Variants in TPCN1 observed in about 807,000 individuals in gnomAD.
TPCN1 encodes two pore segment channel 1.
TPCN1 carries 52 observed loss-of-function variants against 108.8 expected under a neutral mutation model. That is an observed-to-expected ratio of 0.48 (90% CI 0.38 to 0.60). The LOEUF (loss-of-function observed/expected upper bound fraction) is 0.60, where lower values mean the gene tolerates loss of function less well. Among genes scored for constraint, TPCN1 ranks in the 20% least tolerant of loss-of-function variants. TPCN1 has a pLI of 0.00. For synonymous variants in TPCN1, 446 were observed against 433.7 expected (o/e 1.03, Z -0.35); for missense variants, 806 against 1,072.8 (o/e 0.75, Z 3.47).
intron 1 of TPCN1, among the ~76,000 whole-genome samples, chr12:113,222,396 C>T (rs1430727458): frequency 6.6e-6 from 1 of 152,192 alleles, no homozygotes; most frequent in East Asian, 1.9e-4. Flanking sequence ...AACAGCAGCT[C>T]AGTTGACATT....
chr12:113,286,319 C>T (rs1956072179), intron 18 of TPCN1, among the ~76,000 whole-genome samples: 2 of 140,748 alleles, frequency 1.4e-5, no homozygotes, highest in Admixed American at 1.4e-4. Context: ...AATGAGACCC[C>T]ATGTGGCCCT....
chr12:113,291,843 C>A, intron 24 of TPCN1, 31 bp from the exon 25 acceptor site: 1 of 1,520,842 alleles, frequency 6.6e-7, no homozygotes, highest in Non-Finnish European at 9.1e-7. Context: ...TCCTCCCCTG[C>A]CTCTGCCCCT....
chr12:113,290,147 G>A lies in TPCN1; in HGVS notation c.1816G>A (p.Ala606Thr), dbSNP rs1251861974. 5.6e-6 allele frequency: 9 copies of A among 1,598,922 alleles called. No individual in the cohort carries two copies. The highest frequency in any genetic ancestry group is 7.7e-6 in the Non-Finnish European group (9 of 1,172,236). The stretch of plus-strand genomic sequence containing the variant: ...GGCCAGCACGAGTACAGTGGCAGAT[G>A]CCTACCGCTGGCGCAACCACACCGT... ...NCCNTSTVAD[A>T]YRWRNHTVGN... is the part of the protein sequence containing the mutation. Residue 606 changes from alanine (A) to threonine (T), a missense_variant, in exon 22 of 28, where the codon GCC becomes ACC. Transcript: ENST00000335509.
At chr12:113,230,216 T>A (rs1953634004) in intron 2 of TPCN1, among the ~76,000 whole-genome samples, 1 of 151,930 alleles carries the variant, frequency 6.6e-6, no homozygotes, top group Non-Finnish European at 1.5e-5. Context: ...TTATTACAAG[T>A]AGATTATAGT....
Position 113,267,917 on chromosome 12 carries a change from C to T in TPCN1, c.489C>T (p.Gly163=). Residue 163 remains glycine (G), a synonymous_variant, in exon 5 of 28, where the codon GGC becomes GGT. Transcript: ENST00000335509. ...FELCMKLRWL[G]LHTFIRHKRT... is the part of the protein sequence containing the mutation. Reference sequence around the variant, plus strand: ...TCTGCATGAAGTTACGCTGGCTGGGCCTCCACACCTTCATCCGGCACAAGC... The same window carrying T: ...TCTGCATGAAGTTACGCTGGCTGGGTCTCCACACCTTCATCCGGCACAAGC... 1 of 1,614,046 alleles carries T rather than the reference C, an allele frequency of 6.2e-7. No individual in the cohort carries two copies. The highest frequency in any genetic ancestry group is 8.5e-7 in the Non-Finnish European group (1 of 1,179,940).
In TPCN1 at chr12:113,266,049, G is replaced by A; in HGVS notation, c.238-131G>A. ...TCGCGAAGATCATTTTGATTTTCCA[G>A]CATCTTCTGTCTCTGGCCTGAATCT... On this transcript the variant is annotated intron_variant, in intron 3 of 27. Transcript: ENST00000335509. This position sits in a 1 kb window ranked among gnomAD's most constrained non-coding sequence, Gnocchi z 4.2. The A allele has an allele frequency of 1.0e-6, 1 of 965,642 alleles. No homozygotes were observed. The allele number at this position is 965,642 out of a possible 1,614,324, so 59.8% of individuals were successfully genotyped here. A position where few individuals can be genotyped will look rare whatever the true frequency, so the allele number is the denominator to read the frequency against.
Position 113,226,861 on chromosome 12 carries a change from G to A in TPCN1, c.9G>A (p.Val3=). 1 of 1,614,164 alleles carries A rather than the reference G, an allele frequency of 6.2e-7. No homozygotes were observed. Among genetic ancestry groups the A allele is most frequent in the Non-Finnish European group, 8.5e-7 (1 of 1,180,038 alleles). The change falls in exon 2 of 28, where the codon GTG becomes GTA. Residue 3 remains valine, a synonymous_variant. Coordinates refer to ENST00000335509, the MANE Select transcript of TPCN1 (RefSeq NM_017901.6). MA[V]SLDDDVPLIL... Reference sequence around the variant, plus strand: ...CCACAGGAGAAGAGAACATGGCTGTGAGTTTGGATGACGACGTGCCGCTCA... The same window carrying A: ...CCACAGGAGAAGAGAACATGGCTGTAAGTTTGGATGACGACGTGCCGCTCA...
At chr12:113,247,612 T>A (rs896975084) in intron 2 of TPCN1, among the ~76,000 whole-genome samples, 1 of 152,216 alleles carries the variant, frequency 6.6e-6, no homozygotes, top group African/African-American at 2.4e-5. Flanking sequence ...GCCCCTGCCG[T>A]GCCCTCGTCT....
At position 113,266,126 on chromosome 12, in the gene TPCN1, TG is replaced by T. The variant is rs1317733583; in HGVS notation, c.238-52del. 22 of 1,594,436 alleles carry T rather than the reference TG, an allele frequency of 1.4e-5. No individual in the cohort carries two copies. The highest frequency in any genetic ancestry group is 1.9e-5 in the Non-Finnish European group (22 of 1,166,972). On this transcript the variant is annotated intron_variant, in intron 3 of 27. Transcript: ENST00000335509. This position sits in a 1 kb window ranked among gnomAD's most constrained non-coding sequence, Gnocchi z 4.2. ...TCCTCCCCTGCCCGCGGCTCCTCTTTGGCGTTGGATGGGTCTCCAGGCTTAC... is the reference window on the plus strand; with the variant it reads ...TCCTCCCCTGCCCGCGGCTCCTCTTTGCGTTGGATGGGTCTCCAGGCTTAC...
At chr12:113,293,243 G>T in intron 26 of TPCN1, 26 bp from the exon 27 acceptor site, 1 of 1,613,182 alleles carries the variant, frequency 6.2e-7, no homozygotes, top group Non-Finnish European at 8.5e-7. Context: ...CTGCAGCCGA[G>T]CCCTGCAGCC....
At position 113,288,469 on chromosome 12, in the gene TPCN1, C is replaced by T. The variant is rs1464394771; in HGVS notation, c.1706+235C>T. 1 of 1,499,306 alleles carries T rather than the reference C, an allele frequency of 6.7e-7. No homozygotes were observed. The highest frequency in any genetic ancestry group is 2.1e-5 in the Admixed American group (1 of 47,250). The allele number at this position is 1,499,306 out of a possible 1,614,324, so 92.9% of individuals were successfully genotyped here. ...GGGAGGGCAGGGAGCTGTCAACTCG[C>T]TTACCACCTGTGTCTACATTCACAG... On this transcript the variant is annotated intron_variant, in intron 20 of 27. Transcript: ENST00000335509. This position sits in a 1 kb window ranked among gnomAD's most constrained non-coding sequence, Gnocchi z 4.8.
Position 113,231,739 on chromosome 12 carries a change from G to A in TPCN1, c.112+4775G>A, listed in dbSNP as rs944057631. On this transcript the variant is annotated intron_variant, in intron 2 of 27. Coordinates refer to ENST00000335509, the MANE Select transcript of TPCN1 (RefSeq NM_017901.6). The surrounding 1 kb of genome is among the most constrained non-coding windows in gnomAD (Gnocchi z 4.3). ...TCAGACATCTTTGGGCTCTAAGTGC[G>A]GCTGCTGCAGTGCTAATGAATGACT... Among the ~76,000 whole-genome samples, 19 of 152,158 alleles carry A rather than the reference G, an allele frequency of 1.2e-4. No homozygotes were observed. Among genetic ancestry groups the A allele is most frequent in the African/African-American group, 3.9e-4 (16 of 41,428 alleles).
In TPCN1 at chr12:113,272,112, G is replaced by A. The variant is rs565574650; in HGVS notation, c.749-546G>A. On this transcript the variant is annotated intron_variant, in intron 7 of 27. Transcript: ENST00000335509. The surrounding 1 kb of genome is among the most constrained non-coding windows in gnomAD (Gnocchi z 4.1). ...GGTAGAATTTTGTTTGTGCTTCTCC[G>A]GGGGTAGGGGCTGATTTCCCCTGAG... 1.2e-4 allele frequency among the ~76,000 whole-genome samples: 18 copies of A among 152,194 alleles called. No homozygotes were observed. The highest frequency in any genetic ancestry group is 4.1e-4 in the African/African-American group (17 of 41,520).
chr12:113,249,860 A>G (rs1023061604), intron 2 of TPCN1: 5 of 152,372 alleles, frequency 3.3e-5, no homozygotes, highest in Middle Eastern at 3.4e-3. Context: ...GACCTCATTT[A>G]TTCTCCAGCT....
At chr12:113,247,448 C>T (rs1234256019) in intron 2 of TPCN1, among the ~76,000 whole-genome samples, 1 of 152,236 alleles carries the variant, frequency 6.6e-6, no homozygotes, top group East Asian at 1.9e-4. Context: ...GCCGAGCCTT[C>T]GAGCATACCT....
intron 13 of TPCN1, among the ~76,000 whole-genome samples, chr12:113,278,548 C>A (rs1955752381): frequency 6.6e-6 from 1 of 152,254 alleles, no homozygotes; most frequent in South Asian, 2.1e-4. Context: ...ATAATCCCTA[C>A]TGACAAACCT....
chr12:113,230,281 A>ACCT (rs1953637249), intron 2 of TPCN1, among the ~76,000 whole-genome samples: 1 of 130,104 alleles, frequency 7.7e-6, no homozygotes, highest in East Asian at 2.2e-4. Context: ...AGATCCATTC[A>ACCT]TCTTTTTTTT....
chr12:113,272,745 C>T lies in TPCN1; in HGVS notation c.783+53C>T. Reference sequence around the variant, plus strand: ...CTTCTTTTATGGAGGGCTTTTCCCTCAGACAGGGTCACCGGCGTGACCCTG... The same window carrying T: ...CTTCTTTTATGGAGGGCTTTTCCCTTAGACAGGGTCACCGGCGTGACCCTG... On this transcript the variant is annotated intron_variant, in intron 8 of 27. Coordinates refer to ENST00000335509, the MANE Select transcript of TPCN1 (RefSeq NM_017901.6). The surrounding 1 kb of genome is among the most constrained non-coding windows in gnomAD (Gnocchi z 4.1). 6.4e-7 allele frequency: 1 copy of T among 1,564,998 alleles called. No homozygotes were observed. Among genetic ancestry groups the T allele is most frequent in the Non-Finnish European group, 8.8e-7 (1 of 1,135,312 alleles).
rs750624019 is a variant in TPCN1, at chr12:113,293,079, G to T, written c.2253+6G>T. The T allele has an allele frequency of 6.2e-7, 1 of 1,610,576 alleles. No individual in the cohort carries two copies. The highest frequency in any genetic ancestry group is 8.5e-7 in the Non-Finnish European group (1 of 1,178,446). ...CCCAGATGGAGAGATACCAGGTGAG[G>T]AGCCCAGGCCCTGGTCCGAAGGAGG... On this transcript the variant is annotated splice_donor_region_variant and intron_variant, in intron 26 of 27. Transcript: ENST00000335509.
Sources: allele counts gnomAD v4.1 joint callset (sites outside exome capture counted in the v4.1 genomes callset), GRCh38; gene constraint gnomAD v4.1.1; non-coding constraint Gnocchi (gnomAD v3.1); transcripts MANE v1.5; gene names NCBI Gene and HGNC (gene_info 2026-07-23, HGNC 2026-07-21).